The following DLGAP1 variants were observed in gnomAD, a reference collection of about 807,000 sequenced individuals.
DLGAP1 encodes the protein DLG associated protein 1.
In DLGAP1, 11 loss-of-function variants were observed where a neutral mutation model predicts 90.8. That is an observed-to-expected ratio of 0.12 (90% CI 0.08 to 0.20). The LOEUF is 0.20. DLGAP1 is among the 10% of genes least tolerant of loss of function. DLGAP1 has a pLI of 1.00. For missense variants in DLGAP1, 1,050 were observed against 1,333.8 expected, an observed-to-expected ratio of 0.79 and a Z score of 3.31; for synonymous variants, 558 against 540.7, an observed-to-expected ratio of 1.03 and a Z score of -0.44.
intron 3 of DLGAP1, among the ~76,000 whole-genome samples, chr18:3,954,950 A>G (rs2073056013): frequency 6.6e-6 from 1 of 152,168 alleles, no homozygotes; most frequent in Non-Finnish European, 1.5e-5. Flanking sequence ...CAGGGAGGAG[A>G]GTGCAAGGAG....
At chr18:4,310,154 A>T (rs1424033144) in intron 1 of DLGAP1, among the ~76,000 whole-genome samples, 1 of 152,298 alleles carries the variant, frequency 6.6e-6, no homozygotes, top group East Asian at 1.9e-4. Flanking sequence ...AAGGACTTAT[A>T]CCAGGATTTG....
Position 3,879,457 on chromosome 18 carries a change from C to A in DLGAP1, c.612G>T (p.Ser204=), listed in dbSNP as rs746208952. 1 of 1,606,836 alleles carries A rather than the reference C, an allele frequency of 6.2e-7. No individual in the cohort carries two copies. Among genetic ancestry groups the A allele is most frequent in the Non-Finnish European group, 8.5e-7 (1 of 1,179,934 alleles). ...RPSTSPGWWS[S]DDNLDGDMCI... ...ACATGTCACCATCCAGGTTGTCGTCCGAGCTCCACCAGCCCGGGGAGGTGC... is the reference window on the plus strand; with the variant it reads ...ACATGTCACCATCCAGGTTGTCGTCAGAGCTCCACCAGCCCGGGGAGGTGC... Residue 204 remains serine (S), a synonymous_variant, in exon 4 of 13, where the codon TCG becomes TCT. Coordinates refer to ENST00000315677, the MANE Select transcript of DLGAP1 (RefSeq NM_004746.4). The surrounding 1 kb of genome is among the most constrained non-coding windows in gnomAD (Gnocchi z 6.6).
rs5822780 is a variant in DLGAP1 at position 3,997,030 on chromosome 18, C to CTT, written c.-73+8084_-73+8085dup. ...TTAGAAATATAAGTTGCAGAGTTTT[C>CTT]TTTTTTTTTTTTTTCATATTTTAAA... On this transcript the variant is annotated intron_variant, in intron 3 of 12. Coordinates refer to ENST00000315677, the MANE Select transcript of DLGAP1 (RefSeq NM_004746.4). 1.2e-3 allele frequency among the ~76,000 whole-genome samples: 100 copies of CTT among 85,966 alleles called. 21 individuals are homozygous for CTT. Among genetic ancestry groups the CTT allele is most frequent in the Non-Finnish European group, 1.5e-3 (68 of 45,588 alleles). The allele number at this position is 85,966 out of a possible 152,430, so 56.4% of individuals were successfully genotyped here.
At chr18:4,343,772 C>G (rs983808179) in intron 1 of DLGAP1, among the ~76,000 whole-genome samples, 1 of 152,084 alleles carries the variant, frequency 6.6e-6, no homozygotes, top group Non-Finnish European at 1.5e-5. Flanking sequence ...ACGTTCTGCA[C>G]ATGTATCCCA....
chr18:3,794,268 C>G (rs2065877462), intron 5 of DLGAP1, among the ~76,000 whole-genome samples: 1 of 152,176 alleles, frequency 6.6e-6, no homozygotes, highest in South Asian at 2.1e-4. Context: ...AAGGTGACAG[C>G]TTGGAGGTCA....
In DLGAP1 at chr18:3,496,990, AAGAAAATATTGT is replaced by A. The variant is rs2143516680; in HGVS notation, c.*2183_*2194del. On this transcript the variant is annotated 3_prime_UTR_variant, in exon 13 of 13. Coordinates refer to ENST00000315677, the MANE Select transcript of DLGAP1 (RefSeq NM_004746.4). Reference sequence around the variant, plus strand: ...ATATCATGGGCTAAATTAGTTTCCAAAGAAAATATTGTAGGATGATCTTGAGTCGTATTAGAA... The same window carrying A: ...ATATCATGGGCTAAATTAGTTTCCAAAGGATGATCTTGAGTCGTATTAGAA... 6.6e-6 allele frequency: 1 copy of A among 152,320 alleles called. No homozygotes were observed. Among genetic ancestry groups the A allele is most frequent in the South Asian group, 2.1e-4 (1 of 4,818 alleles). 9.4% of individuals were successfully genotyped at this position (152,320 alleles called of 1,614,324 possible).
chr18:4,343,419 T>C (rs935893900), intron 1 of DLGAP1, among the ~76,000 whole-genome samples: 2 of 152,004 alleles, frequency 1.3e-5, no homozygotes, highest in Admixed American at 1.3e-4. Context: ...TTGTGGATAG[T>C]GGTAGTATCC....
At chr18:3,531,091 G>A (rs1419423196) in intron 10 of DLGAP1, among the ~76,000 whole-genome samples, 1 of 152,076 alleles carries the variant, frequency 6.6e-6, no homozygotes, top group African/African-American at 2.4e-5. Flanking sequence ...CACTAGTTTG[G>A]TGCATTTAGT....
chr18:3,976,038 T>C (rs1376707234), intron 3 of DLGAP1, among the ~76,000 whole-genome samples: 3 of 151,930 alleles, frequency 2.0e-5, no homozygotes, highest in Non-Finnish European at 1.5e-5. Context: ...TTAATGCCAC[T>C]AAACTGTACA....
intron 3 of DLGAP1, among the ~76,000 whole-genome samples, chr18:3,913,637 A>G (rs1454989215): frequency 6.6e-6 from 1 of 152,240 alleles, no homozygotes; most frequent in African/African-American, 2.4e-5. Context: ...TTCAGAATAG[A>G]TCAAATCTCA....
chr18:3,652,546 C>A (rs527405925), intron 7 of DLGAP1, among the ~76,000 whole-genome samples: 1 of 152,136 alleles, frequency 6.6e-6, no homozygotes, highest in African/African-American at 2.4e-5. Context: ...CTGTGGCTCA[C>A]GGCCGTCTTG....
At chr18:4,093,453 T>C (rs1273689602) in intron 2 of DLGAP1, among the ~76,000 whole-genome samples, 1 of 152,214 alleles carries the variant, frequency 6.6e-6, no homozygotes, top group African/African-American at 2.4e-5. Context: ...TACTAGTCTC[T>C]TAAAAATATT....
intron 5 of DLGAP1, among the ~76,000 whole-genome samples, chr18:3,809,754 T>A (rs921111294): frequency 6.6e-6 from 1 of 152,256 alleles, no homozygotes; most frequent in Non-Finnish European, 1.5e-5. Flanking sequence ...CTTCAGAATC[T>A]TTTAAATGAC....
rs111795308 is a variant in DLGAP1 at position 4,113,788 on chromosome 18, T to C, written c.-159+37392A>G. 4.5e-3 allele frequency among the ~76,000 whole-genome samples: 692 copies of C among 152,300 alleles called. 4 individuals are homozygous for C. Among genetic ancestry groups the C allele is most frequent in the South Asian group, 0.025 (122 of 4,832 alleles). On this transcript the variant is annotated intron_variant, in intron 2 of 12. Coordinates refer to ENST00000315677, the MANE Select transcript of DLGAP1 (RefSeq NM_004746.4). ...AATCCATCTGGAATTAATTTTCGTA[T>C]ATGGTGAAACATAGGGGTCTAGTTT...
chr18:3,543,613 T>G (rs2052835712), intron 9 of DLGAP1, among the ~76,000 whole-genome samples: 1 of 152,200 alleles, frequency 6.6e-6, no homozygotes, highest in African/African-American at 2.4e-5. Context: ...TAAGAATGAC[T>G]GAACTTACTA....
intron 7 of DLGAP1, among the ~76,000 whole-genome samples, chr18:3,594,846 A>C (rs1244393394): frequency 6.6e-6 from 1 of 152,072 alleles, no homozygotes; most frequent in Non-Finnish European, 1.5e-5. Flanking sequence ...GGCATTTTCC[A>C]TTTTTATCTG....
intron 2 of DLGAP1, among the ~76,000 whole-genome samples, chr18:4,028,566 C>T (rs1181812447): frequency 6.6e-6 from 1 of 152,158 alleles, no homozygotes; most frequent in Non-Finnish European, 1.5e-5. Flanking sequence ...TGTGTTGAAA[C>T]ACCATACCTT....
At chr18:4,145,228 C>T (rs1324043480) in intron 2 of DLGAP1, among the ~76,000 whole-genome samples, 1 of 152,122 alleles carries the variant, frequency 6.6e-6, no homozygotes, top group African/African-American at 2.4e-5. Context: ...AACTCTGAGA[C>T]ATGACAAATA....
intron 4 of DLGAP1, among the ~76,000 whole-genome samples, chr18:3,840,187 G>A (rs1172914881): frequency 1.3e-5 from 2 of 152,086 alleles, no homozygotes; most frequent in Non-Finnish European, 1.5e-5. Flanking sequence ...TTGGAGCCAT[G>A]TTTCATTTCC....
Sources: allele counts gnomAD v4.1 joint callset (sites outside exome capture counted in the v4.1 genomes callset), GRCh38; gene constraint gnomAD v4.1.1; non-coding constraint Gnocchi (gnomAD v3.1); transcripts MANE v1.5; gene names NCBI Gene and HGNC (gene_info 2026-07-23, HGNC 2026-07-21).